Variants in PGGT1B observed in about 807,000 individuals in gnomAD.
PGGT1B encodes the protein protein geranylgeranyltransferase type I subunit beta.
In PGGT1B, 30 loss-of-function variants were observed where a neutral mutation model predicts 46.1. The ratio of observed to expected loss-of-function variants is 0.65; its 90% CI spans 0.49 to 0.88. The LOEUF (loss-of-function observed/expected upper bound fraction) is 0.88, where lower values mean the gene tolerates loss of function less well. Ranked by LOEUF, PGGT1B falls within the 40% of genes least tolerant of loss-of-function variation. The pLI is 0.00. For missense variants in PGGT1B, 376 were observed against 455.9 expected (o/e 0.82, Z 1.60); for synonymous variants, 170 against 160.0 (o/e 1.06, Z -0.47).
chr5:115,242,901 A>C (rs1757391410), intron 2 of PGGT1B, among the ~76,000 whole-genome samples: 1 of 152,048 alleles, frequency 6.6e-6, no homozygotes, highest in Non-Finnish European at 1.5e-5. Context: ...CGGGAGGTGG[A>C]GGTTGCAATG....
chr5:115,250,872 T>C (rs545364285), intron 2 of PGGT1B, among the ~76,000 whole-genome samples: 4 of 152,312 alleles, frequency 2.6e-5, no homozygotes, highest in East Asian at 1.9e-4. Context: ...TGGAACTATA[T>C]ACAATGTACT....
rs1756040728 is a variant in PGGT1B, at chr5:115,205,621, T to C, written c.*6781A>G. The C allele has an allele frequency of 6.6e-6, 1 of 152,130 alleles. No homozygotes were observed. The highest frequency in any genetic ancestry group is 1.5e-5 in the Non-Finnish European group (1 of 67,972). 9.4% of individuals were successfully genotyped at this position (152,130 alleles called of 1,614,324 possible). On this transcript the variant is annotated 3_prime_UTR_variant, in exon 9 of 9. Coordinates refer to ENST00000419445, the MANE Select transcript of PGGT1B (RefSeq NM_005023.4). ...TCATATTTGGAATTCAGATTTATAATTCGTAAATGAGTTTGAGGAACGAAG... is the reference window on the plus strand; with the variant it reads ...TCATATTTGGAATTCAGATTTATAACTCGTAAATGAGTTTGAGGAACGAAG...
chr5:115,219,527 C>A (rs1045598008), intron 7 of PGGT1B, among the ~76,000 whole-genome samples: 3 of 151,788 alleles, frequency 2.0e-5, no homozygotes. Context: ...ATCTTTACGA[C>A]CGTGGATTCA....
chr5:115,207,427 A>G lies in PGGT1B; in HGVS notation c.*4975T>C, dbSNP rs1756098782. 6.6e-6 allele frequency: 1 copy of G among 151,746 alleles called. No homozygotes were observed. Among genetic ancestry groups the G allele is most frequent in the Non-Finnish European group, 1.5e-5 (1 of 67,850 alleles). 9.4% of individuals were successfully genotyped at this position (151,746 alleles called of 1,614,324 possible). ...AGCCAGTTGAAAAATAATGTATACTATATGGTTCCACTCATATAAAATTCA... is the reference window on the plus strand; with the variant it reads ...AGCCAGTTGAAAAATAATGTATACTGTATGGTTCCACTCATATAAAATTCA... On this transcript the variant is annotated 3_prime_UTR_variant, in exon 9 of 9. Coordinates refer to ENST00000419445, the MANE Select transcript of PGGT1B (RefSeq NM_005023.4).
chr5:115,244,889 G>C (rs1289217222), intron 2 of PGGT1B, among the ~76,000 whole-genome samples: 4 of 152,082 alleles, frequency 2.6e-5, no homozygotes, highest in Non-Finnish European at 5.9e-5. Context: ...ACCGCACCCA[G>C]CCTATCCTTT....
chr5:115,239,969 G>C (rs1029200514), intron 3 of PGGT1B, among the ~76,000 whole-genome samples: 3 of 152,200 alleles, frequency 2.0e-5, no homozygotes, highest in Non-Finnish European at 2.9e-5. Flanking sequence ...AGAAAACTCA[G>C]TGACAATATT....
intron 1 of PGGT1B, among the ~76,000 whole-genome samples, chr5:115,256,422 T>A (rs568476572): frequency 2.0e-5 from 3 of 152,302 alleles, no homozygotes; most frequent in African/African-American, 7.2e-5. Flanking sequence ...AAATCAGCCA[T>A]GTGATGGTAT....
intron 6 of PGGT1B, among the ~76,000 whole-genome samples, chr5:115,229,826 T>C (rs1756922419): frequency 6.6e-6 from 1 of 152,030 alleles, no homozygotes. Flanking sequence ...CCACCCTCCA[T>C]CTCATAGAGA....
chr5:115,228,941 G>C (rs1398121845), intron 6 of PGGT1B, among the ~76,000 whole-genome samples: 1 of 152,110 alleles, frequency 6.6e-6, no homozygotes, highest in Non-Finnish European at 1.5e-5. Context: ...TACAGAACAA[G>C]TCATTTGTGA....
chr5:115,232,819 A>G (rs568542861), intron 5 of PGGT1B, among the ~76,000 whole-genome samples: 1 of 152,154 alleles, frequency 6.6e-6, no homozygotes, highest in Admixed American at 6.6e-5. Context: ...TGCAAGTCAA[A>G]GTGGCAGGGC....
chr5:115,244,744 C>G (rs1747736801), intron 2 of PGGT1B, among the ~76,000 whole-genome samples: 1 of 151,698 alleles, frequency 6.6e-6, no homozygotes, highest in Non-Finnish European at 1.5e-5. Context: ...GCATGAGCTA[C>G]CACGCCCAGC....
At chr5:115,233,970 T>C (rs1019472990) in intron 5 of PGGT1B, among the ~76,000 whole-genome samples, 1 of 151,880 alleles carries the variant, frequency 6.6e-6, no homozygotes, top group Non-Finnish European at 1.5e-5. Flanking sequence ...TATAACAATA[T>C]AGAAATATAT....
intron 1 of PGGT1B, among the ~76,000 whole-genome samples, chr5:115,257,942 C>A (rs538589105): frequency 6.6e-6 from 1 of 152,298 alleles, no homozygotes; most frequent in African/African-American, 2.4e-5. Flanking sequence ...TACTTCGAAA[C>A]AAATGACTGA....
intron 1 of PGGT1B, 84 bp downstream of exon 1, chr5:115,262,628 G>A (rs1272723158): frequency 2.7e-6 from 4 of 1,466,336 alleles, no homozygotes; most frequent in East Asian, 2.5e-5. Flanking sequence ...CCCTTCCGGC[G>A]CCCAGTTTGC....
At chr5:115,233,418 GA>G (rs779570840) in intron 5 of PGGT1B, among the ~76,000 whole-genome samples, 12 of 149,630 alleles carry the variant, frequency 8.0e-5, no homozygotes, top group Non-Finnish European at 1.3e-4. Context: ...GAAAAAAGGA[GA>G]AAACATCCAA....
intron 2 of PGGT1B, among the ~76,000 whole-genome samples, chr5:115,243,333 T>C (rs1580769581): frequency 6.6e-6 from 1 of 152,218 alleles, no homozygotes; most frequent in East Asian, 1.9e-4. Context: ...AAGCATATCA[T>C]GCCTCATGTA....
At chr5:115,213,520 C>T (rs1756308261) in intron 8 of PGGT1B, among the ~76,000 whole-genome samples, 1 of 152,142 alleles carries the variant, frequency 6.6e-6, no homozygotes, top group African/African-American at 2.4e-5. Flanking sequence ...CCTGTAATCC[C>T]AGCACTTTGG....
At chr5:115,250,809 A>C (rs2127026746) in intron 2 of PGGT1B, among the ~76,000 whole-genome samples, 1 of 152,288 alleles carries the variant, frequency 6.6e-6, no homozygotes, top group African/African-American at 2.4e-5. Context: ...ACTTCCTTCT[A>C]GTACTCCCCA....
rs1471995649 is a variant in PGGT1B, at chr5:115,241,588, C to T, written c.278G>A (p.Cys93Tyr). 1 of 1,608,256 alleles carries T rather than the reference C, an allele frequency of 6.2e-7. No individual in the cohort carries two copies. The highest frequency in any genetic ancestry group is 1.3e-5 in the African/African-American group (1 of 74,570). Residue 93 changes from cysteine to tyrosine, a missense_variant, in exon 3 of 9, where the codon TGT (cysteine) becomes TAT (tyrosine). Transcript: ENST00000419445. ...PTEDRSNLNR[C>Y]GFRGSSYLGI... The stretch of plus-strand genomic sequence containing the variant: ...CAGGTATGAAGAGCCTCGGAAACCA[C>T]AGCGATTTAGATTTGATCCTAGAAA...
Sources: gnomAD v4.1 joint callset for allele counts (sites outside exome capture counted in the v4.1 genomes callset) on GRCh38, gnomAD v4.1.1 for gene constraint, MANE v1.5 for transcripts, NCBI Gene and HGNC (gene_info 2026-07-23, HGNC 2026-07-21) for gene names.